CHL1: variants seen among roughly 807,000 people sequenced by gnomAD.
The protein encoded by CHL1 is neural cell adhesion molecule L1-like protein.
A neutral mutation model predicts 141.9 loss-of-function variants in CHL1; 96 were observed. The observed-to-expected ratio is 0.68, with a 90% CI of 0.57 to 0.80. CHL1 has a LOEUF of 0.80. CHL1 is among the 30% of genes least tolerant of loss of function. The probability of loss-of-function intolerance (pLI) is 0.00; values close to 1 mark genes in which losing one functional copy is unlikely to be tolerated. For missense variants in CHL1, 1,820 were observed against 1,457.2 expected (o/e 1.25, Z -4.05); for synonymous variants, 613 against 502.2 (o/e 1.22, Z -2.95).
chr3:352,333 T>A (rs892563458), intron 10 of CHL1, among the ~76,000 whole-genome samples: 1 of 152,198 alleles, frequency 6.6e-6, no homozygotes, highest in Non-Finnish European at 1.5e-5. Flanking sequence ...ACCAGTGTTG[T>A]ATGTTCTATA....
intron 2 of CHL1, among the ~76,000 whole-genome samples, chr3:269,814 C>A (rs557927069): frequency 6.6e-6 from 1 of 152,190 alleles, no homozygotes; most frequent in East Asian, 1.9e-4. Context: ...GGATGAGCCA[C>A]CACACTCAGC....
chr3:237,818 T>A (rs1256919260), intron 1 of CHL1, among the ~76,000 whole-genome samples: 1 of 152,204 alleles, frequency 6.6e-6, no homozygotes, highest in East Asian at 1.9e-4. Context: ...TCACATATGA[T>A]GTTTAGTGGA....
At chr3:396,398 T>C (rs993033906) in intron 24 of CHL1, among the ~76,000 whole-genome samples, 5 of 152,152 alleles carry the variant, frequency 3.3e-5, no homozygotes, top group Non-Finnish European at 5.9e-5. Flanking sequence ...ACCAAGACCA[T>C]AATGTGCATG....
intron 5 of CHL1, among the ~76,000 whole-genome samples, chr3:329,544 A>G (rs1575082135): frequency 1.3e-5 from 2 of 151,994 alleles, no homozygotes; most frequent in East Asian, 3.9e-4. Flanking sequence ...TAGTATTATC[A>G]CACAATGTGG....
rs2106428617 is a variant in CHL1 at position 401,671 on chromosome 3, T to C, written c.3431T>C (p.Val1144Ala). 2.5e-6 allele frequency: 4 copies of C among 1,595,576 alleles called. No individual in the cohort carries two copies. The highest frequency in any genetic ancestry group is 2.3e-5 in the South Asian group (2 of 87,714). The change falls in exon 27 of 28, where the codon GTA (valine) becomes GCA (alanine). Residue 1144 changes from valine to alanine, a missense_variant. By Grantham distance (64) the Val-to-Ala change is moderately conservative (BLOSUM62 0). Transcript: ENST00000256509. ...DLHPDPEIQS[V>A]KDETFGEYSD... Reference sequence around the variant, plus strand: ...CATCCAGACCCAGAAATTCAGTCAGTAAAAGATGAAACCTTTGGTGAATAC... The same window carrying C: ...CATCCAGACCCAGAAATTCAGTCAGCAAAAGATGAAACCTTTGGTGAATAC...
At chr3:299,988 G>A (rs897199141) in intron 2 of CHL1, among the ~76,000 whole-genome samples, 1 of 152,174 alleles carries the variant, frequency 6.6e-6, no homozygotes, top group Non-Finnish European at 1.5e-5. Flanking sequence ...GGTTTTAGTA[G>A]GAGAATGAAA....
chr3:400,715 T>C (rs2106424307), intron 26 of CHL1, among the ~76,000 whole-genome samples: 1 of 151,192 alleles, frequency 6.6e-6, no homozygotes, highest in East Asian at 2.0e-4. Flanking sequence ...GGCAGGAGAA[T>C]CCCTTGAACC....
At chr3:239,352 A>G (rs539103426) in intron 1 of CHL1, among the ~76,000 whole-genome samples, 9 of 152,282 alleles carry the variant, frequency 5.9e-5, no homozygotes, top group Admixed American at 3.9e-4. Flanking sequence ...CTACTTGATT[A>G]GCTTACGATC....
At chr3:222,115 A>G (rs1263551762) in intron 1 of CHL1, among the ~76,000 whole-genome samples, 1 of 152,244 alleles carries the variant, frequency 6.6e-6, no homozygotes, top group East Asian at 1.9e-4. Context: ...TATTACTTGT[A>G]TTAGTTTCCC....
chr3:340,823 G>C lies in CHL1; in HGVS notation c.415G>C (p.Asp139His). ...TCCAAAATTCCCAAAAGAAAAAATT[G>C]ACCCTCTTGAAGTGGAGGAGGGAGA... is the stretch of plus-strand genomic sequence containing the variant. ...SVPKFPKEKIDPLEVEEGDPI... is the reference protein window; with the variant it reads ...SVPKFPKEKIHPLEVEEGDPI... Residue 139 changes from aspartate to histidine, a missense_variant, in exon 6 of 28, where the codon GAC becomes CAC. By Grantham distance (81) the Asp-to-His change is moderately conservative. Transcript: ENST00000256509. 2 of 1,611,030 alleles carry C rather than the reference G, an allele frequency of 1.2e-6. No homozygotes were observed. The highest frequency in any genetic ancestry group is 1.7e-6 in the Non-Finnish European group (2 of 1,178,100).
At chr3:388,153 T>C (rs1401507374) in intron 19 of CHL1, among the ~76,000 whole-genome samples, 6 of 152,172 alleles carry the variant, frequency 3.9e-5, no homozygotes, top group Admixed American at 1.3e-4. Flanking sequence ...CCCATTATCT[T>C]TGAAAGCTAA....
At chr3:276,592 A>C (rs890743006) in intron 2 of CHL1, among the ~76,000 whole-genome samples, 4 of 152,114 alleles carry the variant, frequency 2.6e-5, no homozygotes, top group African/African-American at 9.7e-5. Flanking sequence ...ATGGAGTTCA[A>C]GAGTATGGGC....
intron 12 of CHL1, 142 bp from the exon 13 acceptor site, chr3:361,557 G>C (rs1028926161): frequency 5.3e-6 from 3 of 571,268 alleles, no homozygotes; most frequent in Non-Finnish European, 9.5e-6. Context: ...ATTGAATTGG[G>C]ATACTTCTAT....
chr3:329,092 A>G (rs1235845450), intron 5 of CHL1, among the ~76,000 whole-genome samples: 1 of 152,086 alleles, frequency 6.6e-6, no homozygotes, highest in Non-Finnish European at 1.5e-5. Flanking sequence ...AGCGTACTTT[A>G]TTCATAGCTT....
intron 15 of CHL1, among the ~76,000 whole-genome samples, chr3:368,706 T>A (rs1192706086): frequency 6.6e-6 from 1 of 152,230 alleles, no homozygotes; most frequent in Non-Finnish European, 1.5e-5. Context: ...GGTTTTCTTC[T>A]AGGGTTTTTA....
chr3:287,180 C>A (rs1040977574), intron 2 of CHL1, among the ~76,000 whole-genome samples: 2 of 151,834 alleles, frequency 1.3e-5, no homozygotes, highest in Non-Finnish European at 2.9e-5. Flanking sequence ...ACATATGTAT[C>A]AACATATAAT....
intron 1 of CHL1, among the ~76,000 whole-genome samples, chr3:239,839 T>C (rs1384135538): frequency 6.6e-6 from 1 of 151,844 alleles, no homozygotes. Flanking sequence ...AGTGAGAACA[T>C]AGGATTTTTG....
chr3:331,637 G>A (rs996064121), intron 5 of CHL1, among the ~76,000 whole-genome samples: 1 of 152,020 alleles, frequency 6.6e-6, no homozygotes, highest in African/African-American at 2.4e-5. Context: ...TTTATTGAAA[G>A]ACTCTAGGAA....
At chr3:203,278 C>T (rs959734400) in intron 1 of CHL1, among the ~76,000 whole-genome samples, 1 of 152,196 alleles carries the variant, frequency 6.6e-6, no homozygotes, top group Non-Finnish European at 1.5e-5. Context: ...TTTCAGCCAA[C>T]ATTTAAATAC....
Sources: allele counts gnomAD v4.1 joint callset (sites outside exome capture counted in the v4.1 genomes callset), GRCh38; gene constraint gnomAD v4.1.1; transcripts MANE v1.5; gene names NCBI Gene and HGNC (gene_info 2026-07-23, HGNC 2026-07-21).